The following AKAP6 variants were observed in gnomAD, a reference collection of about 807,000 sequenced individuals.
The protein encoded by AKAP6 is A-kinase anchoring protein 6.
In AKAP6, 58 loss-of-function variants were observed where a neutral mutation model predicts 188.5. That is an observed-to-expected ratio of 0.31 (90% CI 0.25 to 0.38). The LOEUF is 0.38. Among genes scored for constraint, AKAP6 ranks in the 10% least tolerant of loss-of-function variants. AKAP6 has a pLI of 1.00. For synonymous variants in AKAP6, 989 were observed against 998.6 expected, an observed-to-expected ratio of 0.99 and a Z score of 0.18; for missense variants, 2,710 against 2,740.0, an observed-to-expected ratio of 0.99 and a Z score of 0.24.
chr14:32,564,721 C>T (rs1266642543), intron 4 of AKAP6, among the ~76,000 whole-genome samples: 2 of 152,158 alleles, frequency 1.3e-5, no homozygotes, highest in Non-Finnish European at 2.9e-5. Flanking sequence ...GCTCAATGCC[C>T]TCATTTTACA....
chr14:32,718,352 AT>A, intron 9 of AKAP6: 5 of 985,014 alleles, frequency 5.1e-6, no homozygotes, highest in Non-Finnish European at 6.0e-6. Context: ...TCTAAAATTT[AT>A]TTTGTCAAAA....
At chr14:32,415,649 A>G (rs927478188) in intron 1 of AKAP6, among the ~76,000 whole-genome samples, 1 of 152,106 alleles carries the variant, frequency 6.6e-6, no homozygotes, top group Non-Finnish European at 1.5e-5. Context: ...GTTTCATCTT[A>G]TAAAACTGAA....
At chr14:32,622,572 C>T (rs1402479101) in intron 7 of AKAP6, among the ~76,000 whole-genome samples, 2 of 152,092 alleles carry the variant, frequency 1.3e-5, no homozygotes, top group Admixed American at 6.6e-5. Context: ...GAATGATAAT[C>T]CTCTCTCCCT....
chr14:32,769,129 C>T (rs1047429936), intron 11 of AKAP6, among the ~76,000 whole-genome samples: 171 of 141,000 alleles, frequency 1.2e-3, no homozygotes, highest in Non-Finnish European at 2.0e-3. Context: ...CCCACTGCAA[C>T]CTCCACCTCC....
At chr14:32,813,391 C>G (rs1025794087) in intron 12 of AKAP6, among the ~76,000 whole-genome samples, 1 of 102,940 alleles carries the variant, frequency 9.7e-6, no homozygotes, top group Non-Finnish European at 1.9e-5. Context: ...CTAACCCTAC[C>G]CCCCCCCCCA....
At chr14:32,772,821 A>G (rs748766152) in intron 11 of AKAP6, among the ~76,000 whole-genome samples, 78 of 152,224 alleles carry the variant, frequency 5.1e-4, no homozygotes, top group Non-Finnish European at 1.1e-3. Flanking sequence ...GAGATTAGTA[A>G]TTCAGTGATG....
intron 1 of AKAP6, among the ~76,000 whole-genome samples, chr14:32,416,727 G>A (rs1889672123): frequency 2.0e-5 from 3 of 151,894 alleles, no homozygotes; most frequent in South Asian, 2.1e-4. Flanking sequence ...GCTAATTTTT[G>A]TATTTTTAGT....
intron 11 of AKAP6, 43 bp downstream of exon 11, chr14:32,735,925 G>A: frequency 7.1e-7 from 1 of 1,398,900 alleles, no homozygotes; most frequent in Non-Finnish European, 9.8e-7. Flanking sequence ...CTCTTTTTAT[G>A]GTAGGGATGA....
chr14:32,736,113 G>A (rs1458409495), intron 11 of AKAP6, among the ~76,000 whole-genome samples: 1 of 152,116 alleles, frequency 6.6e-6, no homozygotes, highest in Non-Finnish European at 1.5e-5. Context: ...CTGCATGTGT[G>A]TTTTTTGCAA....
intron 5 of AKAP6, among the ~76,000 whole-genome samples, chr14:32,595,545 A>G (rs999066308): frequency 3.6e-4 from 54 of 152,076 alleles, no homozygotes; most frequent in African/African-American, 8.0e-4. Context: ...GTCTTGCTCT[A>G]TTGCCCAGGC....
chr14:32,352,513 T>A (rs138783468), intron 1 of AKAP6, among the ~76,000 whole-genome samples: 9 of 152,310 alleles, frequency 5.9e-5, no homozygotes, highest in African/African-American at 1.9e-4. Context: ...ATTCCTTTTA[T>A]GTAACTGTGA....
intron 2 of AKAP6, among the ~76,000 whole-genome samples, chr14:32,456,723 C>T (rs1328009819): frequency 6.7e-6 from 1 of 149,120 alleles, no homozygotes; most frequent in Non-Finnish European, 1.5e-5. Flanking sequence ...TGGTCGTGAC[C>T]AGAGTCAGAG....
intron 1 of AKAP6, among the ~76,000 whole-genome samples, chr14:32,338,301 G>A (rs1368636582): frequency 1.3e-5 from 2 of 152,068 alleles, no homozygotes; most frequent in Admixed American, 6.6e-5. Flanking sequence ...CAAACAAGAA[G>A]TAGTAAATTG....
chr14:32,636,957 G>A (rs1397038422), intron 7 of AKAP6, among the ~76,000 whole-genome samples: 1 of 152,056 alleles, frequency 6.6e-6, no homozygotes, highest in Non-Finnish European at 1.5e-5. Context: ...TGGAGTCAGG[G>A]AAGGCAGTGA....
chr14:32,468,316 C>T (rs1012581407), intron 2 of AKAP6, among the ~76,000 whole-genome samples: 2 of 152,148 alleles, frequency 1.3e-5, no homozygotes, highest in Non-Finnish European at 2.9e-5. Context: ...TACTCTGTGC[C>T]TTTTGAGTTG....
intron 2 of AKAP6, among the ~76,000 whole-genome samples, chr14:32,437,646 G>A (rs1890429012): frequency 6.6e-6 from 1 of 151,820 alleles, no homozygotes; most frequent in Non-Finnish European, 1.5e-5. Context: ...ACCCAGACTG[G>A]AGTGCAGTGG....
At chr14:32,540,319 C>A (rs1428828783) in intron 3 of AKAP6, among the ~76,000 whole-genome samples, 1 of 151,450 alleles carries the variant, frequency 6.6e-6, no homozygotes, top group Admixed American at 6.6e-5. Context: ...CTGCCTCAGC[C>A]TCCCCAGTAG....
intron 11 of AKAP6, among the ~76,000 whole-genome samples, chr14:32,744,403 A>G (rs1272549378): frequency 6.6e-6 from 1 of 151,350 alleles, no homozygotes; most frequent in Non-Finnish European, 1.5e-5. Flanking sequence ...TGCAAACTCC[A>G]CCTCCTGGGT....
intron 12 of AKAP6, among the ~76,000 whole-genome samples, chr14:32,805,812 G>A (rs2034073764): frequency 6.6e-6 from 1 of 152,134 alleles, no homozygotes; most frequent in Non-Finnish European, 1.5e-5. Context: ...TAAGTTTGCA[G>A]AATATCAAAC....
Sources: gnomAD v4.1 joint callset for allele counts (sites outside exome capture counted in the v4.1 genomes callset) on GRCh38, gnomAD v4.1.1 for gene constraint, MANE v1.5 for transcripts, NCBI Gene and HGNC (gene_info 2026-07-23, HGNC 2026-07-21) for gene names.